Variants in PCDHA7 observed in about 807,000 individuals in gnomAD.
The protein encoded by PCDHA7 is protocadherin alpha 7.
PCDHA7 carries 37 observed loss-of-function variants against 57.2 expected under a neutral mutation model. The observed-to-expected ratio is 0.65, with a 90% confidence interval of 0.50 to 0.85. PCDHA7 has a LOEUF of 0.85. Among genes scored for constraint, PCDHA7 ranks in the 40% least tolerant of loss-of-function variants. The pLI, the probability that PCDHA7 is intolerant of heterozygous loss-of-function variation, is 0.00. For synonymous variants in PCDHA7, 553 were observed against 558.8 expected (o/e 0.99, Z 0.15); for missense variants, 1,188 against 1,241.8 (o/e 0.96, Z 0.65).
intron 1 of PCDHA7, among the ~76,000 whole-genome samples, chr5:140,962,176 C>T (rs1554225858): frequency 6.6e-6 from 1 of 152,104 alleles, no homozygotes; most frequent in Admixed American, 6.6e-5. Flanking sequence ...CACCCGGCCA[C>T]TTATATCACT....
At position 140,928,683 on chromosome 5, in the gene PCDHA7, C is replaced by T. The variant is rs868920923; in HGVS notation, c.2356-50266C>T. ...ACAGTGGTTCTAATGCCTGGCTTTC[C>T]TACCACATCTCCCGGGCGTCTGACT... On this transcript the variant is annotated intron_variant, in intron 1 of 3. Transcript: ENST00000525929. 3.7e-6 allele frequency: 6 copies of T among 1,614,172 alleles called. No individual in the cohort carries two copies. In the Middle Eastern group the frequency reaches 6.6e-4, roughly 178 times the overall value.
chr5:140,883,726 G>A, intron 1 of PCDHA7: 2 of 1,613,590 alleles, frequency 1.2e-6, no homozygotes, highest in Non-Finnish European at 1.7e-6. Context: ...ACGCACAGGA[G>A]AACGCGCTGG....
intron 1 of PCDHA7, chr5:140,843,065 C>T (rs1554139692): frequency 6.3e-7 from 1 of 1,595,232 alleles, no homozygotes; most frequent in Non-Finnish European, 8.6e-7. Flanking sequence ...CAAGCTGGTG[C>T]CGCGGTCTGT....
intron 1 of PCDHA7, chr5:140,927,163 GC>G: frequency 6.2e-7 from 1 of 1,614,176 alleles, no homozygotes; most frequent in East Asian, 2.2e-5. Flanking sequence ...CAGGGCCAAA[GC>G]TGCCTGCGTC....
intron 3 of PCDHA7, among the ~76,000 whole-genome samples, chr5:140,989,910 G>A (rs941838001): frequency 3.3e-5 from 5 of 152,062 alleles, no homozygotes; most frequent in African/African-American, 1.2e-4. Flanking sequence ...ATCAGAAAAA[G>A]AGGGAGAGCA....
chr5:140,970,227 A>T (rs186622858), intron 1 of PCDHA7, among the ~76,000 whole-genome samples: 190 of 152,300 alleles, frequency 1.2e-3, no homozygotes, highest in African/African-American at 4.2e-3. Flanking sequence ...GCAGCCTGTA[A>T]TCTTCTGATT....
chr5:140,915,259 T>C (rs1344301014), intron 1 of PCDHA7, among the ~76,000 whole-genome samples: 1 of 152,182 alleles, frequency 6.6e-6, no homozygotes, highest in East Asian at 1.9e-4. Context: ...GTTGTTATTA[T>C]TTTTGACCAG....
intron 1 of PCDHA7, among the ~76,000 whole-genome samples, chr5:140,962,950 C>T (rs2095723700): frequency 6.6e-6 from 1 of 152,152 alleles, no homozygotes; most frequent in African/African-American, 2.4e-5. Flanking sequence ...ATAAGATATG[C>T]TCTATCCCTA....
rs1197657289 is a variant in PCDHA7 at position 140,900,491 on chromosome 5, G to A, written c.2355+63753G>A. Among the ~76,000 whole-genome samples the A allele has an allele frequency of 2.6e-5, 4 of 152,160 alleles. No homozygotes were observed. The East Asian group carries it at 7.7e-4, about 29-fold the overall frequency. On this transcript the variant is annotated intron_variant, in intron 1 of 3. Transcript: ENST00000525929. ...GGAGTTTCTCCATGTTGGTCAGACT[G>A]GTCTCAAATTCCCAGCCTCAGGTGA...
chr5:140,875,505 C>T, intron 1 of PCDHA7: 6 of 1,613,560 alleles, frequency 3.7e-6, no homozygotes, highest in Non-Finnish European at 5.1e-6. Context: ...GCCCGGGATC[C>T]CAGCGTCTGC....
At position 140,834,401 on chromosome 5, in the gene PCDHA7, A is replaced by T. The variant is rs2150216637; in HGVS notation, c.18A>T (p.Gly6=). The T allele has an allele frequency of 1.9e-6, 3 of 1,606,010 alleles. No individual in the cohort carries two copies. Among genetic ancestry groups the T allele is most frequent in the South Asian group, 1.1e-5 (1 of 90,156 alleles). ...AATTTGAAATGGTGTGCCCGAATGGATACGACCCAGGGGGCCGACATCTAC... is the reference window on the plus strand; with the variant it reads ...AATTTGAAATGGTGTGCCCGAATGGTTACGACCCAGGGGGCCGACATCTAC... MVCPN[G]YDPGGRHLLL... is the part of the protein sequence containing the mutation. Residue 6 remains glycine (G), a synonymous_variant, in exon 1 of 4, where the codon GGA becomes GGT. Coordinates refer to ENST00000525929, the MANE Select transcript of PCDHA7 (RefSeq NM_018910.3).
chr5:140,963,538 C>T (rs1450528022), intron 1 of PCDHA7, among the ~76,000 whole-genome samples: 2 of 152,188 alleles, frequency 1.3e-5, no homozygotes, highest in Non-Finnish European at 2.9e-5. Flanking sequence ...CCATTTACTT[C>T]ATGATATAAA....
At chr5:140,922,289 G>C (rs1554200767) in intron 1 of PCDHA7, among the ~76,000 whole-genome samples, 1 of 152,222 alleles carries the variant, frequency 6.6e-6, no homozygotes, top group Non-Finnish European at 1.5e-5. Flanking sequence ...ATATGAAAAT[G>C]CTAGGAGAGG....
chr5:140,921,168 C>A (rs1260180010), intron 1 of PCDHA7, among the ~76,000 whole-genome samples: 1 of 151,534 alleles, frequency 6.6e-6, no homozygotes, highest in Non-Finnish European at 1.5e-5. Context: ...TTTTAACACA[C>A]ATAAAGCACA....
chr5:140,835,947 C>T lies in PCDHA7; in HGVS notation c.1564C>T (p.Pro522Ser). 6.2e-7 allele frequency: 1 copy of T among 1,612,740 alleles called. No individual in the cohort carries two copies. Among genetic ancestry groups the T allele is most frequent in the Non-Finnish European group, 8.5e-7 (1 of 1,179,676 alleles). The stretch of plus-strand genomic sequence containing the variant: ...GAGCGGCAAGGTGTACGCGCTGCAG[C>T]CGTTGGACCACGAGGAGCTGGAGCT... ...AESGKVYALQPLDHEELELLQ... is the reference protein window; with the variant it reads ...AESGKVYALQSLDHEELELLQ... The change falls in exon 1 of 4, where the codon CCG becomes TCG. Residue 522 changes from proline to serine, a missense_variant. Pro to Ser is a moderately conservative substitution (Grantham distance 74). Transcript: ENST00000525929.
chr5:140,955,001 A>G (rs551398126), intron 1 of PCDHA7, among the ~76,000 whole-genome samples: 101 of 152,200 alleles, frequency 6.6e-4, no homozygotes, highest in Middle Eastern at 6.8e-3. Flanking sequence ...TGGCTAGCCA[A>G]TTCTCCCAGC....
At chr5:140,952,750 A>T (rs1240610789) in intron 1 of PCDHA7, among the ~76,000 whole-genome samples, 2 of 152,326 alleles carry the variant, frequency 1.3e-5, no homozygotes, top group Non-Finnish European at 2.9e-5. Context: ...CTGCTATAAA[A>T]ACACCTGAGA....
intron 3 of PCDHA7, among the ~76,000 whole-genome samples, chr5:140,985,239 A>C (rs2097143502): frequency 6.6e-6 from 1 of 152,008 alleles, no homozygotes; most frequent in South Asian, 2.1e-4. Flanking sequence ...GCCTGGCCTA[A>C]TCTTCTTACT....
rs1554145527 is a variant in PCDHA7, at chr5:140,851,758, C to T, written c.2355+15020C>T. The T allele has an allele frequency of 1.1e-5, 11 of 969,794 alleles. 1 individual carries two copies. The highest frequency in any genetic ancestry group is 1.4e-5 in the Non-Finnish European group (11 of 802,714). 60.1% of individuals were successfully genotyped at this position (969,794 alleles called of 1,614,324 possible). ...GAAATTCAGAGTCTGTAACTTAAAACATTACCCTTATGAATTTAGATGAGA... is the reference window on the plus strand; with the variant it reads ...GAAATTCAGAGTCTGTAACTTAAAATATTACCCTTATGAATTTAGATGAGA... On this transcript the variant is annotated intron_variant, in intron 1 of 3. Transcript: ENST00000525929.
Sources: allele counts gnomAD v4.1 joint callset (sites outside exome capture counted in the v4.1 genomes callset), GRCh38; gene constraint gnomAD v4.1.1; transcripts MANE v1.5; gene names NCBI Gene and HGNC (gene_info 2026-07-23, HGNC 2026-07-21).